Variants in COL25A1 observed in about 807,000 individuals in gnomAD.
COL25A1 encodes collagen alpha-1(XXV) chain.
Under a neutral mutation model 128.4 loss-of-function variants are expected in COL25A1, and 103 were observed. The ratio of observed to expected loss-of-function variants is 0.80; its 90% CI spans 0.68 to 0.94. The LOEUF is 0.94. Among genes scored for constraint, COL25A1 ranks in the 40% least tolerant of loss-of-function variants. COL25A1 has a pLI of 0.00. For missense variants in COL25A1, 745 were observed against 840.0 expected (o/e 0.89, Z 1.40); for synonymous variants, 279 against 277.2 (o/e 1.01, Z -0.06).
chr4:109,099,590 A>T (rs1241695225), intron 3 of COL25A1, among the ~76,000 whole-genome samples: 1 of 151,220 alleles, frequency 6.6e-6, no homozygotes, highest in African/African-American at 2.4e-5. Flanking sequence ...CAAGGTGGGA[A>T]GTCTTTTAAA....
At chr4:108,925,897 A>T (rs1343220658) in intron 11 of COL25A1, among the ~76,000 whole-genome samples, 2 of 152,184 alleles carry the variant, frequency 1.3e-5, no homozygotes, top group Non-Finnish European at 2.9e-5. Flanking sequence ...AGTGTTGTGT[A>T]TGTGTATGTA....
At chr4:108,832,472 CA>C in intron 31 of COL25A1, 39 bp from the exon 32 acceptor site, 1 of 1,336,478 alleles carries the variant, frequency 7.5e-7, no homozygotes, top group Non-Finnish European at 1.1e-6. Context: ...ACAAGGGCTG[CA>C]AGAATAGCAG....
At chr4:109,051,021 A>T (rs1047210280) in intron 3 of COL25A1, among the ~76,000 whole-genome samples, 7 of 152,134 alleles carry the variant, frequency 4.6e-5, no homozygotes, top group Admixed American at 6.5e-5. Context: ...CTTGGGCAGG[A>T]GTAGCCTTGC....
Position 109,261,767 on chromosome 4 carries a change from G to A in COL25A1, c.367+38816C>T, listed in dbSNP as rs1172231205. Among the ~76,000 whole-genome samples the A allele has an allele frequency of 4.0e-5, 6 of 150,752 alleles. No homozygotes were observed. In the East Asian group the frequency reaches 7.9e-4, roughly 20 times the overall value. On this transcript the variant is annotated intron_variant, in intron 3 of 37. Transcript: ENST00000399132. ...GGCTGGAGTGCAGTGGCATGATCTC[G>A]GCTCACTGCGAGCTCCACCTCCCAG...
At chr4:109,065,532 A>ACGTGCGCGCGCGCG (rs1553924905) in intron 3 of COL25A1, among the ~76,000 whole-genome samples, 2 of 126,524 alleles carry the variant, frequency 1.6e-5, no homozygotes, top group African/African-American at 6.0e-5. Flanking sequence ...TTGGTGCAGC[A>ACGTGCGCGCGCGCG]CGCGCGCGCG....
At chr4:109,109,792 G>A (rs1766822902) in intron 3 of COL25A1, among the ~76,000 whole-genome samples, 2 of 152,144 alleles carry the variant, frequency 1.3e-5, no homozygotes, top group South Asian at 4.1e-4. Context: ...ATCCACATGT[G>A]AGCAGTTCCA....
At chr4:108,868,840 G>A (rs1348926720) in intron 20 of COL25A1, among the ~76,000 whole-genome samples, 1 of 135,434 alleles carries the variant, frequency 7.4e-6, no homozygotes, top group African/African-American at 2.8e-5. Context: ...AATGAAGGAA[G>A]GAAGATAGGA....
At chr4:108,856,552 G>T (rs188035794) in intron 24 of COL25A1, among the ~76,000 whole-genome samples, 351 of 152,142 alleles carry the variant, frequency 2.3e-3, no homozygotes, top group African/African-American at 8.2e-3. Flanking sequence ...TTTTATGAGG[G>T]ACTCAATTCA....
chr4:109,290,100 T>C (rs942473770), intron 3 of COL25A1, among the ~76,000 whole-genome samples: 1 of 151,990 alleles, frequency 6.6e-6, no homozygotes, highest in Non-Finnish European at 1.5e-5. Context: ...TTCTTGAGGA[T>C]TGATGATGGA....
Position 108,860,935 on chromosome 4 carries a change from C to G in COL25A1, c.1234G>C (p.Gly412Arg). 6.2e-7 allele frequency: 1 copy of G among 1,613,728 alleles called. No individual in the cohort carries two copies. Among genetic ancestry groups the G allele is most frequent in the Non-Finnish European group, 8.5e-7 (1 of 1,179,742 alleles). The change falls in exon 23 of 38, where the codon GGA becomes CGA. Residue 412 changes from glycine to arginine, a missense_variant. By Grantham distance (125) the Gly-to-Arg change is moderately radical. Coordinates refer to ENST00000399132, the MANE Select transcript of COL25A1 (RefSeq NM_198721.4). ...RGEKGDSGAQGPRGPPGQKGD... is the reference protein window; with the variant it reads ...RGEKGDSGAQRPRGPPGQKGD... ...ATGAGAGGAACACTCACCCTTGGTC[C>G]CTGAGCTCCAGAGTCCCCTTTTTCT... is the stretch of plus-strand genomic sequence containing the variant.
chr4:108,886,442 TTGTGTGTGTGTGTGTGTGTGTG>T (rs375825376), intron 18 of COL25A1, among the ~76,000 whole-genome samples: 22 of 81,376 alleles, frequency 2.7e-4, no homozygotes, highest in African/African-American at 9.4e-4. Flanking sequence ...CTATGAGATT[TTGTGTGTGTGTGTGTGTGTGTG>T]TGTGTGTGTG....
At chr4:109,285,485 T>C (rs1723790205) in intron 3 of COL25A1, among the ~76,000 whole-genome samples, 1 of 152,204 alleles carries the variant, frequency 6.6e-6, no homozygotes, top group African/African-American at 2.4e-5. Flanking sequence ...ACACACTCTC[T>C]CCAACACTGA....
Position 109,301,941 on chromosome 4 carries a change from A to C in COL25A1, c.79T>G (p.Cys27Gly). The C allele has an allele frequency of 6.2e-7, 1 of 1,613,646 alleles. No individual in the cohort carries two copies. The change falls in exon 2 of 38, where the codon TGT becomes GGT. Residue 27 changes from cysteine to glycine, a missense_variant. Cys to Gly is a radical substitution (Grantham distance 159). Transcript: ENST00000399132. ...GCACACGGGGGCATGGTCCGGGCAC[A>C]ATGCTGTTCGGCAGGGGTCGGGTCC... ...SEDPTPAEQH[C>G]ARTMPPCAVL... is the part of the protein sequence containing the mutation.
intron 3 of COL25A1, among the ~76,000 whole-genome samples, chr4:109,233,219 T>C (rs1435157694): frequency 6.6e-6 from 1 of 152,194 alleles, no homozygotes; most frequent in Non-Finnish European, 1.5e-5. Context: ...CAGAGGAATG[T>C]ACTGCCTAAT....
intron 5 of COL25A1, among the ~76,000 whole-genome samples, chr4:109,034,748 A>C (rs565822986): frequency 6.6e-6 from 1 of 152,348 alleles, no homozygotes; most frequent in Admixed American, 6.5e-5. Context: ...CTACAAGACA[A>C]TTCCAACAAG....
intron 16 of COL25A1, among the ~76,000 whole-genome samples, chr4:108,895,493 G>A (rs890369902): frequency 1.3e-5 from 2 of 152,136 alleles, no homozygotes; most frequent in African/African-American, 4.8e-5. Context: ...CCAAGCAAAA[G>A]CTATCACGAT....
At chr4:109,278,169 C>T (rs1290414940) in intron 3 of COL25A1, among the ~76,000 whole-genome samples, 1 of 152,016 alleles carries the variant, frequency 6.6e-6, no homozygotes, top group Admixed American at 6.6e-5. Flanking sequence ...CTTTAATGAG[C>T]TTGAGCTGAA....
intron 3 of COL25A1, among the ~76,000 whole-genome samples, chr4:109,088,745 C>T (rs1004137456): frequency 1.2e-4 from 19 of 152,188 alleles, no homozygotes; most frequent in African/African-American, 2.4e-4. Context: ...AAGACATACT[C>T]TTCTCTGCGG....
At chr4:109,229,201 T>C (rs1271148704) in intron 3 of COL25A1, among the ~76,000 whole-genome samples, 1 of 152,222 alleles carries the variant, frequency 6.6e-6, no homozygotes, top group Non-Finnish European at 1.5e-5. Context: ...TCTTCCTGAT[T>C]ATTCCAGAGG....
Sources: gnomAD v4.1 joint callset for allele counts (sites outside exome capture counted in the v4.1 genomes callset) on GRCh38, gnomAD v4.1.1 for gene constraint, MANE v1.5 for transcripts, NCBI Gene and HGNC (gene_info 2026-07-23, HGNC 2026-07-21) for gene names.